The following CSMD1 variants were observed in gnomAD, a reference collection of about 807,000 sequenced individuals.
CSMD1 encodes the protein CUB and sushi domain-containing protein 1.
Under a neutral mutation model 417.5 loss-of-function variants are expected in CSMD1, and 213 were observed. The ratio of observed to expected loss-of-function variants is 0.51; its 90% confidence interval spans 0.46 to 0.57. The LOEUF is 0.57. Ranked by LOEUF, CSMD1 falls within the 20% of genes least tolerant of loss-of-function variation. CSMD1 has a pLI of 0.00. For missense variants in CSMD1, 6,923 were observed against 4,529.7 expected, an observed-to-expected ratio of 1.53 and a Z score of -15.17; for synonymous variants, 2,862 against 1,736.8, an observed-to-expected ratio of 1.65 and a Z score of -16.11.
chr8:3,303,011 G>A (rs897326412), intron 25 of CSMD1, among the ~76,000 whole-genome samples: 5 of 152,170 alleles, frequency 3.3e-5, no homozygotes, highest in Admixed American at 6.5e-5. Context: ...GCAGCCATAG[G>A]CATAGGGAAA....
intron 12 of CSMD1, among the ~76,000 whole-genome samples, chr8:3,424,693 C>T (rs180887177): frequency 2.7e-4 from 41 of 152,276 alleles, no homozygotes; most frequent in Admixed American, 2.2e-3. Flanking sequence ...ACTTCCTTTG[C>T]CATTTCTATC....
chr8:3,197,622 C>T (rs886969180), intron 33 of CSMD1, among the ~76,000 whole-genome samples: 52 of 151,988 alleles, frequency 3.4e-4, no homozygotes, highest in Non-Finnish European at 7.4e-4. Flanking sequence ...CCCGCCACCA[C>T]GCCCGGCTAA....
At chr8:4,186,816 G>A (rs546386826) in intron 3 of CSMD1, among the ~76,000 whole-genome samples, 36 of 139,564 alleles carry the variant, frequency 2.6e-4, no homozygotes, top group African/African-American at 7.9e-4. Flanking sequence ...GTGACACCCC[G>A]TCTCTACTAA....
intron 41 of CSMD1, among the ~76,000 whole-genome samples, chr8:3,119,106 G>T (rs982745367): frequency 3.3e-5 from 5 of 151,960 alleles, no homozygotes; most frequent in Admixed American, 1.3e-4. Flanking sequence ...CGTGAACCTG[G>T]GAGGTGAAGT....
intron 25 of CSMD1, among the ~76,000 whole-genome samples, chr8:3,304,553 G>C (rs1484669355): frequency 2.0e-5 from 3 of 152,016 alleles, no homozygotes; most frequent in Non-Finnish European, 4.4e-5. Context: ...AACATGGATG[G>C]CTACCCTCTT....
At chr8:4,205,794 T>A (rs1346514016) in intron 3 of CSMD1, among the ~76,000 whole-genome samples, 1 of 152,226 alleles carries the variant, frequency 6.6e-6, no homozygotes, top group Non-Finnish European at 1.5e-5. Context: ...CTGTGTTAGA[T>A]ATTTGTGGGG....
intron 3 of CSMD1, among the ~76,000 whole-genome samples, chr8:4,065,175 C>G (rs1372249842): frequency 6.6e-6 from 1 of 152,156 alleles, no homozygotes; most frequent in African/African-American, 2.4e-5. Context: ...ACACAAAACA[C>G]TTCTGATACA....
intron 5 of CSMD1, among the ~76,000 whole-genome samples, chr8:3,936,268 A>G (rs932656212): frequency 2.6e-5 from 4 of 152,196 alleles, no homozygotes; most frequent in Admixed American, 1.3e-4. Context: ...CAAGTTATCC[A>G]GAAGATCTAG....
intron 5 of CSMD1, among the ~76,000 whole-genome samples, chr8:3,764,735 C>G (rs1015754982): frequency 2.8e-5 from 3 of 105,406 alleles, no homozygotes; most frequent in African/African-American, 9.4e-5. Flanking sequence ...GCCCTTTTCT[C>G]TTTCTTTTTT....
chr8:3,974,967 C>T (rs1243502539), intron 5 of CSMD1, among the ~76,000 whole-genome samples: 1 of 151,998 alleles, frequency 6.6e-6, no homozygotes, highest in Admixed American at 6.6e-5. Flanking sequence ...GTTAAGAATC[C>T]AGGATTTTCC....
At chr8:3,095,238 C>T (rs11775783) in intron 47 of CSMD1, among the ~76,000 whole-genome samples, 18,282 of 152,048 alleles carry the variant, frequency 0.12, 1,445 homozygotes, top group Non-Finnish European at 0.18. Flanking sequence ...TCTATATATA[C>T]ACAAACACAA....
intron 5 of CSMD1, among the ~76,000 whole-genome samples, chr8:3,882,500 C>G (rs1026685252): frequency 2.0e-5 from 3 of 152,016 alleles, no homozygotes; most frequent in Admixed American, 1.3e-4. Context: ...ATTAGACTCT[C>G]TCTGCCTCGG....
intron 3 of CSMD1, among the ~76,000 whole-genome samples, chr8:4,172,932 T>G (rs1372752779): frequency 6.6e-6 from 1 of 152,052 alleles, no homozygotes; most frequent in East Asian, 1.9e-4. Flanking sequence ...TAACAGCAAC[T>G]TACAGAAAAA....
intron 3 of CSMD1, among the ~76,000 whole-genome samples, chr8:4,407,663 T>C (rs1433987716): frequency 6.6e-6 from 1 of 152,244 alleles, no homozygotes; most frequent in Non-Finnish European, 1.5e-5. Context: ...CCTTTGTCTT[T>C]GTGAACTTCA....
At chr8:4,788,886 TG>T (rs1797550130) in intron 1 of CSMD1, among the ~76,000 whole-genome samples, 1 of 152,228 alleles carries the variant, frequency 6.6e-6, no homozygotes. Context: ...GGCAGGCACA[TG>T]CCCAGTGTTT....
intron 3 of CSMD1, among the ~76,000 whole-genome samples, chr8:4,084,250 A>G (rs1800301469): frequency 6.6e-6 from 1 of 152,162 alleles, no homozygotes; most frequent in East Asian, 1.9e-4. Flanking sequence ...ACTACAAAAT[A>G]AATAAAAGTG....
At chr8:4,518,087 T>C (rs746286341) in intron 2 of CSMD1, among the ~76,000 whole-genome samples, 55 of 152,210 alleles carry the variant, frequency 3.6e-4, no homozygotes, top group Non-Finnish European at 7.1e-4. Flanking sequence ...TCTAATATCA[T>C]CCAAAAATCT....
At chr8:4,120,603 G>T (rs1488814242) in intron 3 of CSMD1, among the ~76,000 whole-genome samples, 1 of 152,172 alleles carries the variant, frequency 6.6e-6, no homozygotes, top group Non-Finnish European at 1.5e-5. Context: ...ACACTTTTGG[G>T]TGCCAAATAG....
At chr8:3,327,327 G>A (rs569154396) in intron 23 of CSMD1, among the ~76,000 whole-genome samples, 1 of 151,940 alleles carries the variant, frequency 6.6e-6, no homozygotes, top group Admixed American at 6.6e-5. Flanking sequence ...TAGAGATGGG[G>A]TTTCACCATG....
Sources: gnomAD v4.1 joint callset for allele counts (sites outside exome capture counted in the v4.1 genomes callset) on GRCh38, gnomAD v4.1.1 for gene constraint, MANE v1.5 for transcripts, NCBI Gene and HGNC (gene_info 2026-07-23, HGNC 2026-07-21) for gene names.